PDZRN4: variants seen among roughly 807,000 people sequenced by gnomAD.
The protein encoded by PDZRN4 is PDZ domain-containing RING finger protein 4.
In PDZRN4, 70 loss-of-function variants were observed where a neutral mutation model predicts 99.0. The observed-to-expected ratio is 0.71, with a 90% CI of 0.58 to 0.86. PDZRN4 has a LOEUF of 0.86. Among genes scored for constraint, PDZRN4 ranks in the 40% least tolerant of loss-of-function variants. PDZRN4 has a pLI of 0.00. For missense variants in PDZRN4, 1,474 were observed against 1,331.2 expected, an observed-to-expected ratio of 1.11 and a Z score of -1.67; for synonymous variants, 551 against 501.6, an observed-to-expected ratio of 1.10 and a Z score of -1.32.
intron 3 of PDZRN4, among the ~76,000 whole-genome samples, chr12:41,462,392 T>C (rs1056844026): frequency 5.9e-5 from 9 of 152,222 alleles, no homozygotes; most frequent in Middle Eastern, 3.2e-3. Flanking sequence ...GTTTTCATTA[T>C]GCTTTAACTC....
At chr12:41,429,157 A>G (rs887893359) in intron 3 of PDZRN4, among the ~76,000 whole-genome samples, 12 of 152,238 alleles carry the variant, frequency 7.9e-5, no homozygotes, top group African/African-American at 2.9e-4. Flanking sequence ...ATATATATTT[A>G]GAGTCATCGG....
At chr12:41,446,523 A>G (rs1952729962) in intron 3 of PDZRN4, among the ~76,000 whole-genome samples, 1 of 107,164 alleles carries the variant, frequency 9.3e-6, no homozygotes, top group African/African-American at 4.6e-5. Flanking sequence ...TAGAATTTAG[A>G]TGGTTTTTTT....
chr12:41,458,933 G>A (rs1284489239), intron 3 of PDZRN4, among the ~76,000 whole-genome samples: 1 of 152,164 alleles, frequency 6.6e-6, no homozygotes, highest in Non-Finnish European at 1.5e-5. Context: ...CAGCAACTGG[G>A]AAGAGGATGG....
intron 3 of PDZRN4, among the ~76,000 whole-genome samples, chr12:41,322,785 C>T (rs1296166114): frequency 5.3e-5 from 8 of 152,016 alleles, no homozygotes; most frequent in Non-Finnish European, 1.0e-4. Context: ...CGTGAGCCAC[C>T]GCGCCGGGCA....
intron 3 of PDZRN4, among the ~76,000 whole-genome samples, chr12:41,501,140 T>C (rs547351950): frequency 6.6e-6 from 1 of 152,282 alleles, no homozygotes; most frequent in South Asian, 2.1e-4. Flanking sequence ...ATGCTTCTTT[T>C]ATGGCGCCTT....
intron 3 of PDZRN4, among the ~76,000 whole-genome samples, chr12:41,402,329 CTG>C (rs1363050631): frequency 0.08 from 4 of 50 alleles, 2 homozygotes; most frequent in South Asian, 0.67. Context: ...TATACACACA[CTG>C]TGTGTATATA....
intron 3 of PDZRN4, among the ~76,000 whole-genome samples, chr12:41,300,542 T>C (rs1287499306): frequency 3.9e-5 from 6 of 152,006 alleles, no homozygotes; most frequent in African/African-American, 1.4e-4. Flanking sequence ...AAATATTTCA[T>C]AATATGTAGG....
intron 1 of PDZRN4, 64 bp from the exon 2 acceptor site, chr12:41,191,394 T>C: frequency 2.5e-6 from 2 of 807,984 alleles, no homozygotes; most frequent in South Asian, 1.5e-5. Flanking sequence ...TAAAAACTTA[T>C]TGTAGGATTT....
chr12:41,252,550 G>A (rs566133363), intron 3 of PDZRN4, among the ~76,000 whole-genome samples: 4 of 152,214 alleles, frequency 2.6e-5, no homozygotes, highest in South Asian at 2.1e-4. Context: ...GACCAGTCTG[G>A]CCAACATGTT....
chr12:41,372,443 T>TAAG (rs1396103252), intron 3 of PDZRN4, among the ~76,000 whole-genome samples: 2 of 152,176 alleles, frequency 1.3e-5, no homozygotes, highest in Non-Finnish European at 2.9e-5. Context: ...GCTATGGGAA[T>TAAG]AAGAACACAG....
At chr12:41,449,962 A>C (rs1249830383) in intron 3 of PDZRN4, among the ~76,000 whole-genome samples, 1 of 152,192 alleles carries the variant, frequency 6.6e-6, no homozygotes, top group African/African-American at 2.4e-5. Flanking sequence ...TGATAGTTAT[A>C]AAATATACTG....
intron 3 of PDZRN4, among the ~76,000 whole-genome samples, chr12:41,387,717 C>A (rs2121113036): frequency 6.6e-6 from 1 of 152,272 alleles, no homozygotes; most frequent in East Asian, 1.9e-4. Flanking sequence ...CAAATCAAAA[C>A]CACAATGAGC....
At chr12:41,389,186 T>A (rs1952192713) in intron 3 of PDZRN4, among the ~76,000 whole-genome samples, 1 of 151,990 alleles carries the variant, frequency 6.6e-6, no homozygotes, top group African/African-American at 2.4e-5. Context: ...TAAAATGGAG[T>A]GTACTCGAAA....
chr12:41,271,547 C>T (rs1031773582), intron 3 of PDZRN4, among the ~76,000 whole-genome samples: 2 of 152,094 alleles, frequency 1.3e-5, no homozygotes, highest in African/African-American at 4.8e-5. Context: ...AAAATGCTAG[C>T]CTCCTGGCCC....
At chr12:41,378,458 T>G (rs1156856576) in intron 3 of PDZRN4, among the ~76,000 whole-genome samples, 2 of 151,916 alleles carry the variant, frequency 1.3e-5, no homozygotes, top group African/African-American at 4.8e-5. Flanking sequence ...CTTTATCCAA[T>G]TTTCATATCA....
chr12:41,545,655 A>G (rs1001872922), intron 5 of PDZRN4, among the ~76,000 whole-genome samples: 3 of 152,104 alleles, frequency 2.0e-5, no homozygotes, highest in African/African-American at 7.2e-5. Context: ...GGAATGGTTT[A>G]CAGAGCATGA....
chr12:41,346,837 A>T (rs930496357), intron 3 of PDZRN4, among the ~76,000 whole-genome samples: 1 of 152,158 alleles, frequency 6.6e-6, no homozygotes, highest in Non-Finnish European at 1.5e-5. Flanking sequence ...ACCTCTCACT[A>T]ATATACATTT....
intron 3 of PDZRN4, among the ~76,000 whole-genome samples, chr12:41,195,168 C>T (rs1397780676): frequency 2.0e-5 from 3 of 152,220 alleles, no homozygotes; most frequent in African/African-American, 4.8e-5. Flanking sequence ...CATCTCTGTC[C>T]TTTTGACATT....
chr12:41,386,396 C>G (rs1952171141), intron 3 of PDZRN4, among the ~76,000 whole-genome samples: 2 of 152,102 alleles, frequency 1.3e-5, no homozygotes, highest in South Asian at 2.1e-4. Flanking sequence ...GAATAAAATA[C>G]CTAGGAATAC....
Sources: gnomAD v4.1 joint callset for allele counts (sites outside exome capture counted in the v4.1 genomes callset) on GRCh38, gnomAD v4.1.1 for gene constraint, MANE v1.5 for transcripts, NCBI Gene and HGNC (gene_info 2026-07-23, HGNC 2026-07-21) for gene names.